DIAPH2: variants seen among roughly 807,000 people sequenced by gnomAD.
DIAPH2 encodes protein diaphanous homolog 2.
Under a neutral mutation model 92.7 loss-of-function variants are expected in DIAPH2, and 35 were observed. The ratio of observed to expected loss-of-function variants is 0.38; its 90% confidence interval spans 0.29 to 0.50. The LOEUF is 0.50. Among genes scored for constraint, DIAPH2 ranks in the 20% least tolerant of loss-of-function variants. The pLI is 0.94. For synonymous variants in DIAPH2, 301 were observed against 280.4 expected (o/e 1.07, Z -0.73); for missense variants, 701 against 819.5 (o/e 0.86, Z 1.77).
In DIAPH2 at chrX:97,322,697, C is replaced by CA. The variant is rs752314253; in HGVS notation, c.2845-25410dup. Among the ~76,000 whole-genome samples, 123 of 107,508 alleles carry CA rather than the reference C, an allele frequency of 1.1e-3. 1 individual carries two copies. Among genetic ancestry groups the CA allele is most frequent in the Non-Finnish European group, 1.7e-3 (90 of 51,833 alleles). The allele number at this position is 107,508 out of a possible 115,157, so 93.4% of individuals were successfully genotyped here. On this transcript the variant is annotated intron_variant, in intron 23 of 26. Transcript: ENST00000324765. ...AGTTTTTAAAGAATGAAAAAACAAA[C>CA]AAAAAAAAACCCTTTCACATGAAAC...
chrX:96,954,704 A>T (rs1021169210), intron 15 of DIAPH2, among the ~76,000 whole-genome samples: 1 of 112,525 alleles, frequency 8.9e-6, no homozygotes, highest in East Asian at 2.8e-4. Flanking sequence ...TTAAGCAGTG[A>T]AATAAAGGTG....
At chrX:96,978,211 G>C (rs1035551256) in intron 17 of DIAPH2, among the ~76,000 whole-genome samples, 5 of 111,689 alleles carry the variant, frequency 4.5e-5, no homozygotes, top group Non-Finnish European at 9.4e-5. Flanking sequence ...CTTTTCTGAA[G>C]CATTCTATAC....
chrX:96,899,652 G>A (rs1456821203), intron 5 of DIAPH2, among the ~76,000 whole-genome samples: 5 of 111,153 alleles, frequency 4.5e-5, no homozygotes, highest in South Asian at 3.9e-4. Flanking sequence ...TTTTCTAGAT[G>A]TACAATCATG....
At chrX:97,499,747 C>A (rs957495583) in intron 26 of DIAPH2, among the ~76,000 whole-genome samples, 1 of 112,226 alleles carries the variant, frequency 8.9e-6, no homozygotes, top group Non-Finnish European at 1.9e-5. Context: ...TATATGTACA[C>A]CATGGAATAC....
chrX:97,155,533 A>T (rs1286725597), intron 22 of DIAPH2, among the ~76,000 whole-genome samples: 1 of 111,155 alleles, frequency 9.0e-6, no homozygotes, highest in East Asian at 2.8e-4. Context: ...GTGGAATATT[A>T]TACAGTGTTC....
chrX:96,737,480 T>G (rs1158373113), intron 2 of DIAPH2, among the ~76,000 whole-genome samples: 2 of 111,805 alleles, frequency 1.8e-5, no homozygotes, highest in African/African-American at 6.5e-5. Context: ...AGATATATTC[T>G]CCTGATATTT....
intron 26 of DIAPH2, among the ~76,000 whole-genome samples, chrX:97,571,313 T>C (rs1267775987): frequency 1.8e-5 from 2 of 112,126 alleles, no homozygotes; most frequent in African/African-American, 6.5e-5. Context: ...TAAAAAATGT[T>C]GATATTTTAT....
At chrX:96,837,425 CTCTCTCTCTGTGTGTGTGTGTGTGTG>C (rs1386795427) in intron 4 of DIAPH2, among the ~76,000 whole-genome samples, 1 of 81,552 alleles carries the variant, frequency 1.2e-5, no homozygotes, top group African/African-American at 5.0e-5. Flanking sequence ...CTCTCTCTCT[CTCTCTCTCTGTGTGTGTGTGTGTGTG>C]TGTGTGTGTG....
chrX:97,304,862 G>A (rs767721842), intron 23 of DIAPH2, among the ~76,000 whole-genome samples: 1 of 111,833 alleles, frequency 8.9e-6, no homozygotes, highest in South Asian at 3.7e-4. Context: ...ATCGATTAGT[G>A]TATTTTGTTG....
chrX:96,845,201 AATGATAGCTGTCTGAC>A (rs1416324026), intron 4 of DIAPH2, among the ~76,000 whole-genome samples: 19 of 111,957 alleles, frequency 1.7e-4, no homozygotes, highest in Non-Finnish European at 3.2e-4. Context: ...GCCATATTGA[AATGATAGCTGTCTGAC>A]ATCATTTTTC....
chrX:96,731,706 G>A lies in DIAPH2; in HGVS notation c.133-4052G>A, dbSNP rs190682592. Among the ~76,000 whole-genome samples, 6 of 111,201 alleles carry A rather than the reference G, an allele frequency of 5.4e-5. No homozygotes were observed. In the East Asian group the frequency reaches 1.7e-3, roughly 31 times the overall value. ...GTCAGTCATTTCTCTTAGTCTTAAG[G>A]GGTTGAGACTCTGGAGTGATACTTT... is the stretch of plus-strand genomic sequence containing the variant. On this transcript the variant is annotated intron_variant, in intron 1 of 26. Transcript: ENST00000324765.
chrX:96,976,870 G>A (rs1416374794), intron 17 of DIAPH2, among the ~76,000 whole-genome samples: 1 of 111,089 alleles, frequency 9.0e-6, no homozygotes, highest in Admixed American at 9.6e-5. Context: ...TCCCAAGAGC[G>A]ATTATAATTA....
intron 26 of DIAPH2, among the ~76,000 whole-genome samples, chrX:97,590,358 G>A (rs1010856537): frequency 8.9e-6 from 1 of 111,819 alleles, no homozygotes; most frequent in East Asian, 2.8e-4. Context: ...GAGATGGGTT[G>A]CACATGTTAA....
chrX:97,477,113 T>G (rs1265118518), intron 26 of DIAPH2, among the ~76,000 whole-genome samples: 5 of 105,833 alleles, frequency 4.7e-5, no homozygotes, highest in African/African-American at 1.7e-4. Context: ...GCGGATCACC[T>G]GAGGTCAGGA....
At chrX:96,879,214 A>G (rs190719544) in intron 4 of DIAPH2, among the ~76,000 whole-genome samples, 4 of 110,702 alleles carry the variant, frequency 3.6e-5, no homozygotes, top group African/African-American at 1.3e-4. Flanking sequence ...TGTTGCGATG[A>G]TAACTAGAAT....
chrX:97,571,880 C>A (rs994680276), intron 26 of DIAPH2, among the ~76,000 whole-genome samples: 3 of 111,770 alleles, frequency 2.7e-5, no homozygotes, highest in Non-Finnish European at 5.6e-5. Context: ...CTTGGACTTT[C>A]ATCTAAAACT....
chrX:96,962,364 TAC>T lies in DIAPH2; in HGVS notation c.1936-2725_1936-2724del, dbSNP rs369795773. Among the ~76,000 whole-genome samples, 81 of 64,586 alleles carry T rather than the reference TAC, an allele frequency of 1.3e-3. 1 individual carries two copies. Among genetic ancestry groups the T allele is most frequent in the African/African-American group, 3.7e-3 (54 of 14,611 alleles). 56.1% of individuals were successfully genotyped at this position (64,586 alleles called of 115,157 possible). On this transcript the variant is annotated intron_variant, in intron 16 of 26. Coordinates refer to ENST00000324765, the MANE Select transcript of DIAPH2 (RefSeq NM_006729.5). ...ATATATATATATACACATATATATA[TAC>T]ACATATATATATACACATATATATA...
At chrX:96,840,987 A>G (rs1472414058) in intron 4 of DIAPH2, among the ~76,000 whole-genome samples, 1 of 111,715 alleles carries the variant, frequency 9.0e-6, no homozygotes. Context: ...CATATCATGA[A>G]TGATAGTTCT....
chrX:97,467,151 A>C (rs1206920473), intron 26 of DIAPH2, among the ~76,000 whole-genome samples: 1 of 111,900 alleles, frequency 8.9e-6, no homozygotes, highest in African/African-American at 3.2e-5. Context: ...AATTTAGAGC[A>C]ACAAATGTTT....
Sources: allele counts gnomAD v4.1 joint callset (sites outside exome capture counted in the v4.1 genomes callset), GRCh38; gene constraint gnomAD v4.1.1; transcripts MANE v1.5; gene names NCBI Gene and HGNC (gene_info 2026-07-23, HGNC 2026-07-21).